CLEC16A: variants seen among roughly 807,000 people sequenced by gnomAD.
CLEC16A encodes the protein protein CLEC16A.
Under a neutral mutation model 109.5 loss-of-function variants are expected in CLEC16A, and 51 were observed. The ratio of observed to expected loss-of-function variants is 0.47; its 90% CI spans 0.37 to 0.59. The LOEUF is 0.59. Ranked by LOEUF, CLEC16A falls within the 20% of genes least tolerant of loss-of-function variation. The probability of loss-of-function intolerance (pLI) is 0.00; values close to 1 mark genes in which losing one functional copy is unlikely to be tolerated. For synonymous variants in CLEC16A, 673 were observed against 564.2 expected (o/e 1.19, Z -2.73); for missense variants, 1,339 against 1,394.0 (o/e 0.96, Z 0.63).
At position 11,020,301 on chromosome 16, in the gene CLEC16A, G is replaced by C. The variant is rs2046019837; in HGVS notation, c.1412G>C (p.Cys471Ser). 2.5e-6 allele frequency: 4 copies of C among 1,612,432 alleles called. No individual in the cohort carries two copies. The highest frequency in any genetic ancestry group is 2.5e-6 in the Non-Finnish European group (3 of 1,179,282). The change falls in exon 12 of 24, where the codon TGC (cysteine) becomes TCC (serine). Residue 471 changes from cysteine to serine, a missense_variant. Physicochemically the swap from Cys to Ser is moderately radical, Grantham distance 112. Around this residue, in one of 3 missense-constraint regions of CLEC16A, gnomAD observed 1,061 missense variants for 1,006.8 expected, o/e 1.05. Transcript: ENST00000409790. ...GAGGAGAAAAGCGCCGCCGCCACCT[G>C]CTCTGAGAGCACGCAATGGAGCAGG... ...TDEEKSAAAT[C>S]SESTQWSRPF...
intron 19 of CLEC16A, among the ~76,000 whole-genome samples, chr16:11,083,155 GT>G (rs34276086): frequency 6.6e-6 from 1 of 151,260 alleles, no homozygotes; most frequent in African/African-American, 2.4e-5. Flanking sequence ...GTTGTTGTTT[GT>G]TTGTTTGTTT....
intron 13 of CLEC16A, among the ~76,000 whole-genome samples, chr16:11,037,849 A>G (rs1328467456): frequency 6.9e-6 from 1 of 144,072 alleles, no homozygotes; most frequent in African/African-American, 2.5e-5. Flanking sequence ...TAACGAGTAG[A>G]GAGATGTTAG....
At chr16:11,004,274 C>CA (rs2044853871) in intron 11 of CLEC16A, among the ~76,000 whole-genome samples, 1 of 152,184 alleles carries the variant, frequency 6.6e-6, no homozygotes, top group Non-Finnish European at 1.5e-5. Flanking sequence ...GGGCCAGGCT[C>CA]ACAGCCACAC....
chr16:10,981,355 A>T (rs1473980390), intron 9 of CLEC16A, among the ~76,000 whole-genome samples: 1 of 152,230 alleles, frequency 6.6e-6, no homozygotes, highest in African/African-American at 2.4e-5. Flanking sequence ...GCTAACATTT[A>T]AGGGCCTGCC....
At position 11,120,873 on chromosome 16, in the gene CLEC16A, A is replaced by G. The variant is rs140850851; in HGVS notation, c.2268+107A>G. The G allele has an allele frequency of 1.3e-3, 1,480 of 1,124,828 alleles. 22 individuals are homozygous for G. In the African/African-American group the frequency reaches 0.02, roughly 15 times the overall value. The allele number at this position is 1,124,828 out of a possible 1,614,324, so 69.7% of individuals were successfully genotyped here. A position where few individuals can be genotyped will look rare whatever the true frequency, so the allele number is the denominator to read the frequency against. On this transcript the variant is annotated intron_variant, in intron 20 of 23. Transcript: ENST00000409790. ...ATTGTCATCTTTATCATTAATTTGT[A>G]GTGATATTATACAAGGTATATGTGA...
At chr16:10,989,732 ACT>A (rs1327644840) in intron 10 of CLEC16A, among the ~76,000 whole-genome samples, 2 of 151,742 alleles carry the variant, frequency 1.3e-5, no homozygotes, top group Admixed American at 6.6e-5. Flanking sequence ...TAGTAGCAGG[ACT>A]CTCTGCCCAG....
At chr16:11,032,419 G>T (rs761898362) in intron 13 of CLEC16A, among the ~76,000 whole-genome samples, 3 of 152,222 alleles carry the variant, frequency 2.0e-5, no homozygotes, top group Non-Finnish European at 4.4e-5. Context: ...GGGTGGGAGG[G>T]ATGAGAGGTG....
At chr16:11,140,997 A>C (rs1188421284) in intron 22 of CLEC16A, among the ~76,000 whole-genome samples, 1 of 152,240 alleles carries the variant, frequency 6.6e-6, no homozygotes, top group Non-Finnish European at 1.5e-5. Flanking sequence ...ACGTTATCGT[A>C]GTGTCATAAT....
intron 22 of CLEC16A, among the ~76,000 whole-genome samples, chr16:11,127,681 C>T (rs916246478): frequency 1.3e-5 from 2 of 152,102 alleles, no homozygotes; most frequent in Admixed American, 1.3e-4. Flanking sequence ...CCAGCCTGGG[C>T]AACACAGTGA....
chr16:10,969,479 A>T (rs557902001), intron 4 of CLEC16A, among the ~76,000 whole-genome samples, 170 bp downstream of exon 4: 17 of 152,132 alleles, frequency 1.1e-4, no homozygotes, highest in Middle Eastern at 3.4e-3. Flanking sequence ...TGTTTAAAAA[A>T]TTTTTTTAAT....
intron 12 of CLEC16A, among the ~76,000 whole-genome samples, chr16:11,022,654 C>G (rs2152807223): frequency 6.6e-6 from 1 of 152,156 alleles, no homozygotes; most frequent in East Asian, 1.9e-4. Context: ...AATCGCAGCA[C>G]TTTGGGAGGC....
intron 17 of CLEC16A, 144 bp downstream of exon 17, chr16:11,047,486 T>C: frequency 2.2e-6 from 1 of 458,678 alleles, no homozygotes. Context: ...TTTAGAATGG[T>C]GTCTTGTGAT....
At chr16:10,944,883 G>C (rs767066144) in intron 1 of CLEC16A, 86 bp downstream of exon 1, 129 of 1,336,498 alleles carry the variant, frequency 9.7e-5, no homozygotes, top group Non-Finnish European at 1.3e-4. Flanking sequence ...TAGGAGGCGT[G>C]AGAGCGGCGG....
intron 10 of CLEC16A, among the ~76,000 whole-genome samples, chr16:10,998,626 A>G (rs2044472337): frequency 6.6e-6 from 1 of 152,138 alleles, no homozygotes; most frequent in African/African-American, 2.4e-5. Context: ...CTCCTGAGAA[A>G]GTTTGGCTTT....
intron 19 of CLEC16A, among the ~76,000 whole-genome samples, chr16:11,081,960 AG>A (rs1204448190): frequency 3.3e-5 from 5 of 152,118 alleles, no homozygotes; most frequent in Admixed American, 1.3e-4. Flanking sequence ...TGAGCTTGGG[AG>A]GCAGAGGTTG....
chr16:10,952,886 T>A (rs545259830), intron 1 of CLEC16A, among the ~76,000 whole-genome samples: 1 of 152,342 alleles, frequency 6.6e-6, no homozygotes, highest in Admixed American at 6.5e-5. Context: ...ATCTGCAAGA[T>A]TCCTGTCAAG....
intron 22 of CLEC16A, among the ~76,000 whole-genome samples, chr16:11,164,356 C>A (rs2054829377): frequency 1.3e-5 from 2 of 152,322 alleles, no homozygotes; most frequent in Middle Eastern, 3.4e-3. Context: ...TTTTAAGGAG[C>A]TGATCTTTAG....
chr16:11,083,150 TG>T (rs1226607001), intron 19 of CLEC16A, among the ~76,000 whole-genome samples: 1 of 89,688 alleles, frequency 1.1e-5, no homozygotes, highest in East Asian at 2.2e-4. Context: ...TTGTTGTTGT[TG>T]TTTGTTTGTT....
At chr16:11,113,003 G>A (rs1244802586) in intron 19 of CLEC16A, among the ~76,000 whole-genome samples, 4 of 152,202 alleles carry the variant, frequency 2.6e-5, no homozygotes, top group African/African-American at 9.6e-5. Flanking sequence ...CTAGTACAGA[G>A]CCTGGCCCCA....
Sources: allele counts gnomAD v4.1 joint callset (sites outside exome capture counted in the v4.1 genomes callset), GRCh38; gene constraint gnomAD v4.1.1; regional missense constraint gnomAD v4.1.1; transcripts MANE v1.5; gene names NCBI Gene and HGNC (gene_info 2026-07-23, HGNC 2026-07-21).